Variants in EYS observed in about 807,000 individuals in gnomAD.
EYS encodes the protein protein eyes shut homolog.
In EYS, 250 loss-of-function variants were observed where a neutral mutation model predicts 282.1. The ratio of observed to expected loss-of-function variants is 0.89; its 90% CI spans 0.80 to 0.98. The LOEUF (loss-of-function observed/expected upper bound fraction) is 0.98, where lower values mean the gene tolerates loss of function less well. Ranked by LOEUF, EYS falls within the 50% of genes least tolerant of loss-of-function variation. EYS has a pLI of 0.00. For missense variants in EYS, 4,016 were observed against 3,709.0 expected (o/e 1.08, Z -2.15); for synonymous variants, 1,355 against 1,282.9 (o/e 1.06, Z -1.20).
At chr6:65,182,683 A>AT (rs1765421144) in intron 12 of EYS, among the ~76,000 whole-genome samples, 1 of 151,972 alleles carries the variant, frequency 6.6e-6, no homozygotes, top group Non-Finnish European at 1.5e-5. Flanking sequence ...TAGATATATA[A>AT]TTTTTTATAG....
chr6:65,688,031 C>T (rs904803585), intron 1 of EYS, among the ~76,000 whole-genome samples: 1 of 152,054 alleles, frequency 6.6e-6, no homozygotes, highest in Non-Finnish European at 1.5e-5. Flanking sequence ...AGATCCAATG[C>T]CTCCCCATCA....
intron 31 of EYS, among the ~76,000 whole-genome samples, chr6:64,216,766 C>T (rs181066083): frequency 1.5e-4 from 23 of 152,198 alleles, no homozygotes; most frequent in South Asian, 1.2e-3. Context: ...CTCCTTAGTC[C>T]GAAGAAGTCC....
At chr6:64,994,047 G>C (rs1306694957) in intron 14 of EYS, among the ~76,000 whole-genome samples, 1 of 151,690 alleles carries the variant, frequency 6.6e-6, no homozygotes, top group Non-Finnish European at 1.5e-5. Flanking sequence ...AAACTAAAAT[G>C]AGAGGGGAAA....
intron 33 of EYS, among the ~76,000 whole-genome samples, chr6:64,058,226 G>A (rs754135748): frequency 2.0e-5 from 3 of 151,354 alleles, no homozygotes; most frequent in Non-Finnish European, 4.4e-5. Context: ...CCATGATTGT[G>A]AGGCCTCCCC....
chr6:65,142,202 A>G (rs1764363278), intron 12 of EYS, among the ~76,000 whole-genome samples: 1 of 152,050 alleles, frequency 6.6e-6, no homozygotes, highest in East Asian at 1.9e-4. Context: ...AATATACACA[A>G]GAACAGTTTT....
chr6:65,679,551 A>T (rs558978014), intron 1 of EYS, among the ~76,000 whole-genome samples: 1 of 151,898 alleles, frequency 6.6e-6, no homozygotes, highest in Non-Finnish European at 1.5e-5. Flanking sequence ...TGGGGAAATG[A>T]GGAGTTATTG....
chr6:63,891,010 C>A (rs185058162), intron 35 of EYS, among the ~76,000 whole-genome samples: 3 of 152,182 alleles, frequency 2.0e-5, no homozygotes, highest in African/African-American at 7.2e-5. Context: ...AATTCCTGGA[C>A]ACATACAGCC....
At chr6:64,478,343 A>T (rs2150497571) in intron 26 of EYS, among the ~76,000 whole-genome samples, 1 of 152,014 alleles carries the variant, frequency 6.6e-6, no homozygotes, top group East Asian at 1.9e-4. Context: ...AGAAACTTGA[A>T]TAATGTACAT....
chr6:64,296,528 ATTGT>A (rs1768995276), intron 30 of EYS, among the ~76,000 whole-genome samples: 1 of 144,350 alleles, frequency 6.9e-6, no homozygotes. Context: ...CTAGACAACA[ATTGT>A]ACTGGCAGAA....
intron 12 of EYS, among the ~76,000 whole-genome samples, chr6:65,113,408 T>G (rs909098172): frequency 7.9e-5 from 12 of 151,894 alleles, no homozygotes; most frequent in Non-Finnish European, 1.8e-4. Flanking sequence ...AAAAATTGTA[T>G]AGGTTTATTC....
intron 23 of EYS, among the ~76,000 whole-genome samples, chr6:64,625,203 A>G (rs577157248): frequency 6.6e-6 from 1 of 152,272 alleles, no homozygotes; most frequent in African/African-American, 2.4e-5. Flanking sequence ...AAGTTAGAGA[A>G]CTAAAGAAAA....
At chr6:64,687,750 G>A (rs764947470) in intron 22 of EYS, among the ~76,000 whole-genome samples, 20 of 152,166 alleles carry the variant, frequency 1.3e-4, no homozygotes, top group South Asian at 6.2e-4. Context: ...GAGTTAGGGA[G>A]GATTCCCTTT....
intron 36 of EYS, among the ~76,000 whole-genome samples, chr6:63,830,038 C>T (rs1291534992): frequency 6.6e-6 from 1 of 152,106 alleles, no homozygotes; most frequent in African/African-American, 2.4e-5. Context: ...ACAGAAAGGA[C>T]ATCCACACCA....
intron 35 of EYS, among the ~76,000 whole-genome samples, chr6:63,891,979 A>G (rs1773420394): frequency 6.6e-6 from 1 of 152,226 alleles, no homozygotes; most frequent in Admixed American, 6.5e-5. Flanking sequence ...CACATTTACA[A>G]TTGGTACAAA....
intron 36 of EYS, among the ~76,000 whole-genome samples, chr6:63,825,477 C>T (rs1771434950): frequency 6.6e-6 from 1 of 152,168 alleles, no homozygotes; most frequent in African/African-American, 2.4e-5. Context: ...AGCTAAGGAC[C>T]CTCACAGAGT....
intron 33 of EYS, among the ~76,000 whole-genome samples, chr6:64,031,246 C>T (rs945379196): frequency 2.0e-5 from 3 of 152,214 alleles, no homozygotes; most frequent in Admixed American, 2.0e-4. Flanking sequence ...CAGCTCCGCA[C>T]TCAGAGGGGC....
intron 22 of EYS, among the ~76,000 whole-genome samples, chr6:64,751,705 A>T (rs1406095810): frequency 6.6e-6 from 1 of 152,208 alleles, no homozygotes; most frequent in East Asian, 1.9e-4. Flanking sequence ...CTGGAGGTGG[A>T]ACTGCACAAC....
chr6:64,591,618 C>T lies in EYS; in HGVS notation c.4249G>A (p.Val1417Ile). The change falls in exon 26 of 43, where the codon GTT (valine) becomes ATT (isoleucine). Residue 1417 changes from valine (V) to isoleucine (I), a missense_variant. Val to Ile is a conservative substitution (Grantham distance 29, BLOSUM62 3). Transcript: ENST00000503581. Reference protein sequence around the residue: ...QSLLFENCQTVALSATPTTSV... With the variant: ...QSLLFENCQTIALSATPTTSV... ...GTCGTTGGGGTAGCAGATAAAGCAA[C>T]AGTCTGACAGTTCTCAAATAATAAA... 6.4e-7 allele frequency: 1 copy of T among 1,551,176 alleles called. No individual in the cohort carries two copies. Among genetic ancestry groups the T allele is most frequent in the Non-Finnish European group, 8.7e-7 (1 of 1,146,718 alleles).
Position 64,439,220 on chromosome 6 carries a change from T to C in EYS, c.5777A>G (p.Asp1926Gly), listed in dbSNP as rs727503922. The C allele has an allele frequency of 8.2e-5, 122 of 1,483,170 alleles. No individual in the cohort carries two copies. The highest frequency in any genetic ancestry group is 1.0e-4 in the Non-Finnish European group (117 of 1,117,270). 91.9% of individuals were successfully genotyped at this position (1,483,170 alleles called of 1,614,324 possible). The part of the protein sequence containing the change: ...SYGLLLYVKQ[D>G]SNLVDGFFIQ... ...AAAAAATCCATCTACTAAATTTGAG[T>C]CTTGCTTGACATACAGCAGAAGTCC... Residue 1926 changes from aspartate to glycine, a missense_variant, in exon 27 of 43, where the codon GAC becomes GGC. Coordinates refer to ENST00000503581, the MANE Select transcript of EYS (RefSeq NM_001142800.2).
Sources: allele counts gnomAD v4.1 joint callset (sites outside exome capture counted in the v4.1 genomes callset), GRCh38; gene constraint gnomAD v4.1.1; transcripts MANE v1.5; gene names NCBI Gene and HGNC (gene_info 2026-07-23, HGNC 2026-07-21).